Variants in TMEM45B observed in about 807,000 individuals in gnomAD.
TMEM45B encodes the protein transmembrane protein 45B.
Under a neutral mutation model 27.3 loss-of-function variants are expected in TMEM45B, and 29 were observed. That is an observed-to-expected ratio of 1.06 (90% CI 0.79 to 1.45). TMEM45B has a LOEUF of 1.45. TMEM45B is among the 40% of genes most tolerant of loss of function. The pLI is 0.00. For missense variants in TMEM45B, 348 were observed against 343.9 expected (o/e 1.01, Z -0.09); for synonymous variants, 143 against 134.7 (o/e 1.06, Z -0.43).
intron 4 of TMEM45B, 111 bp from the exon 5 acceptor site, chr11:129,857,202 A>G (rs1322571301): frequency 3.9e-6 from 5 of 1,275,748 alleles, no homozygotes; most frequent in Non-Finnish European, 4.4e-6. Context: ...GAAGTGTGGG[A>G]ACTATGAGGC....
chr11:129,831,828 G>T (rs1327758131), intron 1 of TMEM45B, among the ~76,000 whole-genome samples: 2 of 152,178 alleles, frequency 1.3e-5, no homozygotes, highest in Admixed American at 6.5e-5. Flanking sequence ...AGCACTTTGG[G>T]AGGCCGAGGC....
At chr11:129,844,153 A>G (rs1591445224) in intron 1 of TMEM45B, among the ~76,000 whole-genome samples, 1 of 152,224 alleles carries the variant, frequency 6.6e-6, no homozygotes. Context: ...TTGCAACAAC[A>G]TGGATGAACC....
chr11:129,853,044 C>T (rs1326082570), intron 2 of TMEM45B: 1 of 159,990 alleles, frequency 6.3e-6, no homozygotes, highest in Non-Finnish European at 1.4e-5. Flanking sequence ...AATTGTCTCT[C>T]CCTCCAGATC....
At position 129,857,294 on chromosome 11, in the gene TMEM45B, T is replaced by G; in HGVS notation, c.571-19T>G. 1 of 1,611,546 alleles carries G rather than the reference T, an allele frequency of 6.2e-7. No homozygotes were observed. The highest frequency in any genetic ancestry group is 8.5e-7 in the Non-Finnish European group (1 of 1,177,844). On this transcript the variant is annotated intron_variant, in intron 4 of 5. Coordinates refer to ENST00000281441, the MANE Select transcript of TMEM45B (RefSeq NM_138788.5). The stretch of plus-strand genomic sequence containing the variant: ...AGGACGACCAACCACAAGACCAACT[T>G]CTCTCTGTAATCCCCTAGATTGGGT...
At chr11:129,855,562 A>G in intron 3 of TMEM45B, 146 bp from the exon 4 acceptor site, 1 of 749,624 alleles carries the variant, frequency 1.3e-6, no homozygotes, top group Non-Finnish European at 2.3e-6. Flanking sequence ...CATGAAATAC[A>G]CTTACTCGCA....
chr11:129,826,689 G>T (rs1174909551), intron 1 of TMEM45B, among the ~76,000 whole-genome samples: 5 of 150,226 alleles, frequency 3.3e-5, no homozygotes, highest in Non-Finnish European at 7.4e-5. Flanking sequence ...TGAGAAAATA[G>T]AATTTAGTCC....
chr11:129,853,698 C>T (rs558506905), intron 2 of TMEM45B, among the ~76,000 whole-genome samples: 75 of 144,110 alleles, frequency 5.2e-4, no homozygotes, highest in African/African-American at 2.2e-3. Context: ...TGGGGAACCA[C>T]ACAGCCGCTG....
chr11:129,839,583 A>C (rs1947665287), intron 1 of TMEM45B, among the ~76,000 whole-genome samples: 1 of 152,200 alleles, frequency 6.6e-6, no homozygotes, highest in Non-Finnish European at 1.5e-5. Context: ...CGGTGGAGTG[A>C]CACGGAGTGT....
intron 3 of TMEM45B, among the ~76,000 whole-genome samples, chr11:129,855,306 G>T (rs1445771632): frequency 6.6e-6 from 1 of 151,638 alleles, no homozygotes; most frequent in African/African-American, 2.4e-5. Flanking sequence ...ACTGCCAGGG[G>T]AGCGCTGCCA....
intron 2 of TMEM45B, chr11:129,852,990 C>T (rs1395257507): frequency 1.6e-5 from 3 of 192,900 alleles, no homozygotes; most frequent in Non-Finnish European, 3.2e-5. Flanking sequence ...ATTAGGCTCA[C>T]GTACCTTAGT....
At chr11:129,818,439 C>A (rs1236896335) in intron 1 of TMEM45B, among the ~76,000 whole-genome samples, 3 of 152,086 alleles carry the variant, frequency 2.0e-5, no homozygotes, top group Non-Finnish European at 4.4e-5. Flanking sequence ...TTATAGAGCA[C>A]AAGGCGATGT....
At chr11:129,852,229 C>G (rs1487865305) in intron 1 of TMEM45B, among the ~76,000 whole-genome samples, 1 of 150,528 alleles carries the variant, frequency 6.6e-6, no homozygotes, top group African/African-American at 2.4e-5. Context: ...CTTTCCCCAC[C>G]CTCATCCTTT....
At chr11:129,848,895 A>G (rs187347638) in intron 1 of TMEM45B, among the ~76,000 whole-genome samples, 1 of 152,204 alleles carries the variant, frequency 6.6e-6, no homozygotes, top group South Asian at 2.1e-4. Context: ...TCAGCCCTTT[A>G]TAAGGGTGCT....
intron 4 of TMEM45B, 79 bp downstream of exon 4, chr11:129,855,971 G>A (rs1381193784): frequency 1.1e-5 from 17 of 1,520,972 alleles, no homozygotes; most frequent in Middle Eastern, 2.1e-4. Context: ...AATCCCTGAC[G>A]AGAATATGGG....
intron 1 of TMEM45B, among the ~76,000 whole-genome samples, chr11:129,843,980 A>G (rs2135584954): frequency 6.6e-6 from 1 of 152,334 alleles, no homozygotes; most frequent in African/African-American, 2.4e-5. Flanking sequence ...CTATCTTGAA[A>G]AGATATCTGC....
At chr11:129,849,725 C>T (rs564602656) in intron 1 of TMEM45B, among the ~76,000 whole-genome samples, 4 of 152,122 alleles carry the variant, frequency 2.6e-5, no homozygotes, top group Non-Finnish European at 4.4e-5. Flanking sequence ...GCTAGGGTGA[C>T]GGAGGAATGC....
intron 1 of TMEM45B, among the ~76,000 whole-genome samples, chr11:129,829,507 AAAG>A: frequency 6.6e-6 from 1 of 152,348 alleles, no homozygotes; most frequent in East Asian, 1.9e-4. Flanking sequence ...TTTTGCTTGT[AAAG>A]AAGGTGGGAA....
chr11:129,854,832 G>T lies in TMEM45B; in HGVS notation c.385+16G>T, dbSNP rs758588191. ...TTCATGGAAGGTAATTTTGTGGAAC[G>T]GATGGAGAGGAAGGAGAGCCTGACA... On this transcript the variant is annotated intron_variant, in intron 3 of 5. Coordinates refer to ENST00000281441, the MANE Select transcript of TMEM45B (RefSeq NM_138788.5). The T allele has an allele frequency of 2.5e-6, 4 of 1,608,810 alleles. No individual in the cohort carries two copies. The highest frequency in any genetic ancestry group is 3.4e-6 in the Non-Finnish European group (4 of 1,179,092).
intron 1 of TMEM45B, among the ~76,000 whole-genome samples, chr11:129,819,843 C>G (rs1401635012): frequency 6.6e-6 from 1 of 151,948 alleles, no homozygotes; most frequent in South Asian, 2.1e-4. Flanking sequence ...TGTGAGCCAC[C>G]ACGCCTGGCC....
Sources: allele counts gnomAD v4.1 joint callset (sites outside exome capture counted in the v4.1 genomes callset), GRCh38; gene constraint gnomAD v4.1.1; transcripts MANE v1.5; gene names NCBI Gene and HGNC (gene_info 2026-07-23, HGNC 2026-07-21).